MED21: variants seen among roughly 807,000 people sequenced by gnomAD.
The protein encoded by MED21 is mediator of RNA polymerase II transcription subunit 21.
A neutral mutation model predicts 18.2 loss-of-function variants in MED21; 9 were observed. The observed-to-expected ratio is 0.49, with a 90% CI of 0.30 to 0.86. The LOEUF (loss-of-function observed/expected upper bound fraction) is 0.86. Among genes scored for constraint, MED21 ranks in the 40% least tolerant of loss-of-function variants. The pLI, the probability that MED21 is intolerant of heterozygous loss-of-function variation, is 0.07. For synonymous variants in MED21, 73 were observed against 60.5 expected, an observed-to-expected ratio of 1.21 and a Z score of -0.96; for missense variants, 150 against 170.9, an observed-to-expected ratio of 0.88 and a Z score of 0.68.
Position 27,030,129 on chromosome 12 carries a change from TTTG to T in MED21, c.*1674_*1676del, listed in dbSNP as rs1282623418. 14 of 637,448 alleles carry T rather than the reference TTTG, an allele frequency of 2.2e-5. No homozygotes were observed. Among genetic ancestry groups the T allele is most frequent in the Admixed American group, 7.3e-5 (3 of 41,360 alleles). 39.5% of individuals were successfully genotyped at this position (637,448 alleles called of 1,614,324 possible). ...CTCTGTAGAGGATATACAGTTTTTTTTTGTTGTTCTTGTTTCTGTTTTTTTAAG... is the reference window on the plus strand; with the variant it reads ...CTCTGTAGAGGATATACAGTTTTTTTTTGTTCTTGTTTCTGTTTTTTTAAG... On this transcript the variant is annotated 3_prime_UTR_variant, in exon 4 of 4. Transcript: ENST00000282892.
chr12:27,022,572 G>A lies in MED21; in HGVS notation c.-8G>A. ...GCTGTTTTGGCGTCTGTTTGCTGCG[G>A]TAGGAACATGGCGGATCGGCTCACG... On this transcript the variant is annotated 5_prime_UTR_variant, in exon 1 of 4. Coordinates refer to ENST00000282892, the MANE Select transcript of MED21 (RefSeq NM_004264.5). 6.5e-7 allele frequency: 1 copy of A among 1,545,568 alleles called. No individual in the cohort carries two copies. Among genetic ancestry groups the A allele is most frequent in the South Asian group, 1.2e-5 (1 of 84,612 alleles).
Position 27,029,766 on chromosome 12 carries a change from T to C in MED21, c.*1305T>C. 1.0e-6 allele frequency: 1 copy of C among 985,474 alleles called. No homozygotes were observed. The highest frequency in any genetic ancestry group is 1.2e-6 in the Non-Finnish European group (1 of 829,600). The allele number at this position is 985,474 out of a possible 1,614,324, so 61.0% of individuals were successfully genotyped here. ...TGCTATCAGATATTTGGCATAAATCTGTACTCTTCATTATAGTTTTGGGGG... is the reference window on the plus strand; with the variant it reads ...TGCTATCAGATATTTGGCATAAATCCGTACTCTTCATTATAGTTTTGGGGG... On this transcript the variant is annotated 3_prime_UTR_variant, in exon 4 of 4. Transcript: ENST00000282892.
At chr12:27,023,300 C>CTTTTTTTTTTTTTTTTTTTTTTT (rs71437317) in intron 1 of MED21, among the ~76,000 whole-genome samples, 7 of 110,436 alleles carry the variant, frequency 6.3e-5, no homozygotes, top group African/African-American at 2.5e-4. Context: ...TTTTTCTTTT[C>CTTTTTTTTTTTTTTTTTTTTTTT]TTTTTTTTTT....
chr12:27,036,097 C>G (rs903209007), intron 2 of MED21, among the ~76,000 whole-genome samples: 3 of 152,174 alleles, frequency 2.0e-5, no homozygotes, highest in Admixed American at 1.3e-4. Flanking sequence ...CTCTCCAGCA[C>G]CTGTTGTTTC....
Position 27,027,358 on chromosome 12 carries a change from CT to C in MED21, c.174del (p.Phe58LeufsTer4). 1 of 1,612,464 alleles carries C rather than the reference CT, an allele frequency of 6.2e-7. No homozygotes were observed. Among genetic ancestry groups the C allele is most frequent in the Non-Finnish European group, 8.5e-7 (1 of 1,179,132 alleles). On this transcript the variant is annotated frameshift_variant, in exon 3 of 4. Transcript: ENST00000282892. LOFTEE classifies it high-confidence loss of function. ...PANPTEEYAQ[L>X]FAALIARTAK... ...GTATCTTTCTCTAGAGTATGCCCAG[CT>C]TTTTGCAGCACTGATTGCACGAACA...
At chr12:27,022,818 G>T in intron 1 of MED21, 197 bp downstream of exon 1, 1 of 1,503,906 alleles carries the variant, frequency 6.6e-7, no homozygotes, top group Non-Finnish European at 8.9e-7. Flanking sequence ...TTGAAGGTGC[G>T]GGAGGGAGCA....
downstream of MED21, among the ~76,000 whole-genome samples, chr12:27,033,938 A>G (rs1941634791): frequency 6.6e-6 from 1 of 152,188 alleles, no homozygotes; most frequent in African/African-American, 2.4e-5. Flanking sequence ...CTGAAAGAGA[A>G]AGAAAGAAAT....
At position 27,030,296 on chromosome 12, in the gene MED21, A is replaced by C; in HGVS notation, c.*1835A>C. 2 of 462,608 alleles carry C rather than the reference A, an allele frequency of 4.3e-6. No homozygotes were observed. The highest frequency in any genetic ancestry group is 7.8e-6 in the Non-Finnish European group (2 of 257,522). 28.7% of individuals were successfully genotyped at this position (462,608 alleles called of 1,614,324 possible). A position where few individuals can be genotyped will look rare whatever the true frequency, so the allele number is the denominator to read the frequency against. The stretch of plus-strand genomic sequence containing the variant: ...AGGCATGTACTACCACGTCCAGCTA[A>C]TTTTTTTTTTCTTTTTTTTTTAGAG... On this transcript the variant is annotated 3_prime_UTR_variant, in exon 4 of 4. Transcript: ENST00000282892.
intron 3 of MED21, among the ~76,000 whole-genome samples, chr12:27,027,893 G>T (rs1941565844): frequency 6.6e-6 from 1 of 152,146 alleles, no homozygotes; most frequent in Admixed American, 6.5e-5. Flanking sequence ...TTTAATGTAT[G>T]AATTTTGGAG....
chr12:27,024,701 G>A (rs1362273260), intron 1 of MED21, among the ~76,000 whole-genome samples: 1 of 152,168 alleles, frequency 6.6e-6, no homozygotes, highest in African/African-American at 2.4e-5. Flanking sequence ...AAAGCCTTTA[G>A]GATAACTAGT....
Position 27,028,158 on chromosome 12 carries a change from T to A in MED21, c.259-127T>A, listed in dbSNP as rs577560984. The A allele has an allele frequency of 2.7e-5, 33 of 1,225,884 alleles. No individual in the cohort carries two copies. The African/African-American group carries it at 4.4e-4, about 16-fold the overall frequency. 75.9% of individuals were successfully genotyped at this position (1,225,884 alleles called of 1,614,324 possible). ...GGAAAATTCTTAAAAGTTGTCTGAT[T>A]TTTAGAATTTCTTTACTGAAAAACA... On this transcript the variant is annotated intron_variant, in intron 3 of 3. Coordinates refer to ENST00000282892, the MANE Select transcript of MED21 (RefSeq NM_004264.5).
downstream of MED21, among the ~76,000 whole-genome samples, chr12:27,032,094 T>C (rs1332345598): frequency 2.6e-5 from 4 of 152,210 alleles, no homozygotes; most frequent in South Asian, 2.1e-4. Context: ...CTAAGTTGTT[T>C]AAAGGAGAAA....
chr12:27,036,473 T>C (rs1941650572), intron 2 of MED21, among the ~76,000 whole-genome samples: 1 of 152,262 alleles, frequency 6.6e-6, no homozygotes, highest in Non-Finnish European at 1.5e-5. Context: ...TTGGCTTTTA[T>C]TGCCATTGCT....
downstream of MED21, among the ~76,000 whole-genome samples, chr12:27,033,147 T>A (rs1043814970): frequency 1.3e-5 from 2 of 152,206 alleles, no homozygotes; most frequent in Non-Finnish European, 2.9e-5. Flanking sequence ...CCTCTCTCCC[T>A]GTTTGTATTC....
At chr12:27,022,859 C>A (rs1941491247) in intron 1 of MED21, 1 of 1,434,364 alleles carries the variant, frequency 7.0e-7, no homozygotes. Flanking sequence ...CCGGGAAGAT[C>A]GTTCTTGTCC....
chr12:27,032,231 G>A (rs1941624634), downstream of MED21, among the ~76,000 whole-genome samples: 1 of 152,186 alleles, frequency 6.6e-6, no homozygotes, highest in African/African-American at 2.4e-5. Flanking sequence ...TTGAATACAG[G>A]TGCCTAAGTT....
chr12:27,022,770 G>T lies in MED21; in HGVS notation c.42+149G>T, dbSNP rs751254653. ...AAGCGCTCTCTCGGGAGGCGCCACC[G>T]CGAACTCGGAGGTTTGAGGCCGGCT... is the stretch of plus-strand genomic sequence containing the variant. On this transcript the variant is annotated intron_variant, in intron 1 of 3. Transcript: ENST00000282892. The T allele has an allele frequency of 3.3e-6, 5 of 1,535,280 alleles. No individual in the cohort carries two copies. The South Asian group carries it at 5.8e-5, about 18-fold the overall frequency.
chr12:27,034,782 C>T (rs1424467378), downstream of MED21, among the ~76,000 whole-genome samples: 1 of 152,120 alleles, frequency 6.6e-6, no homozygotes, highest in African/African-American at 2.4e-5. Context: ...CGGAGTTTCG[C>T]GCTTGTCGCC....
downstream of MED21, among the ~76,000 whole-genome samples, chr12:27,033,425 C>T (rs1003899686): frequency 2.0e-5 from 3 of 152,156 alleles, no homozygotes; most frequent in Non-Finnish European, 2.9e-5. Context: ...CATCATCATT[C>T]GTATGTTAGG....
Sources: allele counts gnomAD v4.1 joint callset (sites outside exome capture counted in the v4.1 genomes callset), GRCh38; gene constraint gnomAD v4.1.1; transcripts MANE v1.5; gene names NCBI Gene and HGNC (gene_info 2026-07-23, HGNC 2026-07-21).